FBXL5: variants seen among roughly 807,000 people sequenced by gnomAD.
FBXL5 encodes the protein F-box and leucine rich repeat protein 5.
A neutral mutation model predicts 78.3 loss-of-function variants in FBXL5; 26 were observed. The observed-to-expected ratio is 0.33, with a 90% confidence interval of 0.24 to 0.46. The LOEUF (loss-of-function observed/expected upper bound fraction) is 0.46. Ranked by LOEUF, FBXL5 falls within the 20% of genes least tolerant of loss-of-function variation. The pLI, the probability that FBXL5 is intolerant of heterozygous loss-of-function variation, is 1.00. For missense variants in FBXL5, 710 were observed against 829.2 expected (o/e 0.86, Z 1.77); for synonymous variants, 295 against 282.5 (o/e 1.04, Z -0.45).
chr4:15,641,208 A>G (rs1309643491), intron 2 of FBXL5, among the ~76,000 whole-genome samples: 4 of 152,148 alleles, frequency 2.6e-5, no homozygotes, highest in Admixed American at 2.0e-4. Flanking sequence ...TGTATCTCCA[A>G]GCCTAATGGA....
chr4:15,671,435 T>C (rs1170973025), intron 1 of FBXL5, among the ~76,000 whole-genome samples: 1 of 151,930 alleles, frequency 6.6e-6, no homozygotes, highest in Admixed American at 6.6e-5. Context: ...TATGGTGTAC[T>C]CTGGTTTGGG....
chr4:15,614,130 T>C (rs1305091063), intron 9 of FBXL5, among the ~76,000 whole-genome samples: 1 of 152,210 alleles, frequency 6.6e-6, no homozygotes, highest in Non-Finnish European at 1.5e-5. Context: ...CACAAGCATG[T>C]TCCCTTGATG....
intron 8 of FBXL5, 92 bp downstream of exon 8, chr4:15,626,780 GT>G: frequency 1.1e-6 from 1 of 897,452 alleles, no homozygotes; most frequent in East Asian, 2.7e-5. Flanking sequence ...AGATTTGATA[GT>G]AAAAAATAAT....
At chr4:15,678,055 G>A (rs1718060955) in intron 1 of FBXL5, among the ~76,000 whole-genome samples, 1 of 152,100 alleles carries the variant, frequency 6.6e-6, no homozygotes, top group Non-Finnish European at 1.5e-5. Context: ...ATGGGCGGGT[G>A]GGTGTGTTTC....
rs528205144 is a variant in FBXL5, at chr4:15,676,487, AT to A, written c.-284+4895del. On this transcript the variant is annotated intron_variant, in intron 1 of 4. Coordinates refer to the FBXL5 transcript ENST00000507899. ...CTGTTATATATTAAGAGAGACAAAGATATATCAATAAAATGAAATATGTGGA... is the reference window on the plus strand; with the variant it reads ...CTGTTATATATTAAGAGAGACAAAGAATATCAATAAAATGAAATATGTGGA... Among the ~76,000 whole-genome samples the A allele has an allele frequency of 4.3e-3, 657 of 152,374 alleles. 3 individuals are homozygous for A. Among genetic ancestry groups the A allele is most frequent in the African/African-American group, 0.015 (608 of 41,602 alleles).
At chr4:15,664,389 A>G (rs1006344987), upstream of FBXL5, among the ~76,000 whole-genome samples, 4 of 152,066 alleles carry the variant, frequency 2.6e-5, no homozygotes, top group Non-Finnish European at 5.9e-5. Context: ...TCCCTCAGTT[A>G]AATCATATTG....
At position 15,636,583 on chromosome 4, in the gene FBXL5, C is replaced by T; in HGVS notation, c.677G>A (p.Cys226Tyr). 1 of 1,614,030 alleles carries T rather than the reference C, an allele frequency of 6.2e-7. No individual in the cohort carries two copies. Among genetic ancestry groups the T allele is most frequent in the Non-Finnish European group, 8.5e-7 (1 of 1,179,966 alleles). The change falls in exon 5 of 11, where the codon TGT becomes TAT. Residue 226 changes from cysteine to tyrosine, a missense_variant. Physicochemically the swap from Cys to Tyr is radical, Grantham distance 194. Around this residue, in one of 4 missense-constraint regions of FBXL5, gnomAD observed 517 missense variants for 542.9 expected, o/e 0.95. Coordinates refer to ENST00000341285, the MANE Select transcript of FBXL5 (RefSeq NM_012161.4). ...IFSYLNPQEL[C>Y]RCSQVSMKWS... ...TTTCATGCTTACTTGACTGCATCGA[C>T]ATAACTCTTGAGGATTAAGATAGCT...
At chr4:15,655,369 G>C, upstream of FBXL5, 6 of 1,117,358 alleles carry the variant, frequency 5.4e-6, no homozygotes, top group Non-Finnish European at 6.7e-6. Context: ...GAGGCGGCGC[G>C]CCCCCTTGCG....
intron 9 of FBXL5, among the ~76,000 whole-genome samples, chr4:15,617,974 A>G (rs1712085437): frequency 1.3e-5 from 2 of 152,186 alleles, no homozygotes; most frequent in Non-Finnish European, 2.9e-5. Context: ...AAAAGTTGGA[A>G]GTTAAAAGAA....
Position 15,625,396 on chromosome 4 carries a change from A to G in FBXL5, c.1706T>C (p.Met569Thr). Reference sequence around the variant, plus strand: ...TCTAGTCCTTGCTGCTTTTCTACACATTGCAGAAGATTCTGGGAGTGATGA... The same window carrying G: ...TCTAGTCCTTGCTGCTTTTCTACACGTTGCAGAAGATTCTGGGAGTGATGA... ...TMSSLPESSA[M>T]CRKAARTRLP... Residue 569 changes from methionine to threonine, a missense_variant, in exon 9 of 11, where the codon ATG becomes ACG. By Grantham distance (81) the Met-to-Thr change is moderately conservative. This residue lies in a region of FBXL5 where 517 missense variants were observed against 542.9 expected (regional missense o/e 0.95). Coordinates refer to ENST00000341285, the MANE Select transcript of FBXL5 (RefSeq NM_012161.4). 1.2e-6 allele frequency: 2 copies of G among 1,614,160 alleles called. No individual in the cohort carries two copies. Among genetic ancestry groups the G allele is most frequent in the South Asian group, 1.1e-5 (1 of 91,080 alleles).
chr4:15,630,948 C>T (rs958015109), intron 5 of FBXL5, among the ~76,000 whole-genome samples, 157 bp from the exon 6 acceptor site: 2 of 152,068 alleles, frequency 1.3e-5, no homozygotes, highest in African/African-American at 2.4e-5. Flanking sequence ...TTAAGTTCTA[C>T]GGTACATGTG....
chr4:15,654,841 G>T (rs1451309997), intron 1 of FBXL5, among the ~76,000 whole-genome samples: 1 of 152,182 alleles, frequency 6.6e-6, no homozygotes, highest in Non-Finnish European at 1.5e-5. Context: ...GGCACCCAGG[G>T]CTTCGAGGAG....
chr4:15,678,240 T>C (rs932966593), intron 1 of FBXL5, among the ~76,000 whole-genome samples: 10 of 152,228 alleles, frequency 6.6e-5, no homozygotes, highest in African/African-American at 2.4e-4. Context: ...TTTTCTCATT[T>C]GCAATTTTAT....
Position 15,626,930 on chromosome 4 carries a change from G to C in FBXL5, c.1067C>G (p.Pro356Arg). 1.2e-6 allele frequency: 2 copies of C among 1,611,360 alleles called. No homozygotes were observed. The highest frequency in any genetic ancestry group is 1.7e-6 in the Non-Finnish European group (2 of 1,178,730). The change falls in exon 8 of 11, where the codon CCT becomes CGT. Residue 356 changes from proline (P) to arginine (R), a missense_variant. Physicochemically the swap from Pro to Arg is moderately radical, Grantham distance 103 (BLOSUM62 -2). This residue lies in a region of FBXL5 where 517 missense variants were observed against 542.9 expected (regional missense o/e 0.95). Transcript: ENST00000341285. Reference sequence around the variant, plus strand: ...GGTAAGATCCAGATGCTCCAGGTTAGGACAAAGCTCTAAAATCTGCCTAAC... The same window carrying C: ...GGTAAGATCCAGATGCTCCAGGTTACGACAAAGCTCTAAAATCTGCCTAAC... ...KMVRQILELCPNLEHLDLTQT... is the reference protein window; with the variant it reads ...KMVRQILELCRNLEHLDLTQT...
chr4:15,649,328 C>G (rs1577477175), intron 1 of FBXL5, among the ~76,000 whole-genome samples: 1 of 151,836 alleles, frequency 6.6e-6, no homozygotes, highest in African/African-American at 2.4e-5. Context: ...GCCTGTAATC[C>G]CAGCACTTTG....
At chr4:15,622,088 C>T (rs1344532089) in intron 9 of FBXL5, among the ~76,000 whole-genome samples, 1 of 152,192 alleles carries the variant, frequency 6.6e-6, no homozygotes, top group East Asian at 1.9e-4. Flanking sequence ...CTGCGTTGGC[C>T]TCCCAAAGTG....
At chr4:15,666,394 T>G (rs1002966055) in intron 1 of FBXL5, among the ~76,000 whole-genome samples, 1 of 152,024 alleles carries the variant, frequency 6.6e-6, no homozygotes, top group South Asian at 2.1e-4. Context: ...AGCAAGACCC[T>G]GCCTAAAAAA....
At chr4:15,628,636 T>A (rs1298288255) in intron 6 of FBXL5, among the ~76,000 whole-genome samples, 1 of 152,140 alleles carries the variant, frequency 6.6e-6, no homozygotes. Context: ...ATAAAATGAT[T>A]TAACAGAATA....
chr4:15,632,124 A>T (rs146805595), intron 5 of FBXL5, among the ~76,000 whole-genome samples: 1,982 of 152,242 alleles, frequency 0.013, 53 homozygotes, highest in African/African-American at 0.045. Flanking sequence ...AGTTTCAGCT[A>T]TCTACATATG....
Sources: gnomAD v4.1 joint callset for allele counts (sites outside exome capture counted in the v4.1 genomes callset) on GRCh38, gnomAD v4.1.1 for gene constraint, gnomAD v4.1.1 regional missense constraint, MANE v1.5 for transcripts, NCBI Gene and HGNC (gene_info 2026-07-23, HGNC 2026-07-21) for gene names.